FBXW7: variants seen among roughly 807,000 people sequenced by gnomAD.
FBXW7 encodes F-box/WD repeat-containing protein 7.
A neutral mutation model predicts 86.3 loss-of-function variants in FBXW7; 11 were observed. The observed-to-expected ratio is 0.13, with a 90% CI of 0.08 to 0.21. The LOEUF (loss-of-function observed/expected upper bound fraction) is 0.21. FBXW7 is among the 10% of genes least tolerant of loss of function. FBXW7 has a pLI of 1.00. For synonymous variants in FBXW7, 313 were observed against 297.9 expected (o/e 1.05, Z -0.52); for missense variants, 488 against 847.4 (o/e 0.58, Z 5.27).
intron 4 of FBXW7, among the ~76,000 whole-genome samples, chr4:152,393,004 T>C (rs184361980): frequency 1.1e-4 from 17 of 152,264 alleles, no homozygotes; most frequent in Non-Finnish European, 2.5e-4. Flanking sequence ...AAATCATGCT[T>C]TTGTCTATAT....
intron 2 of FBXW7, among the ~76,000 whole-genome samples, chr4:152,501,845 G>A (rs1746983334): frequency 1.3e-5 from 2 of 152,008 alleles, no homozygotes; most frequent in African/African-American, 4.8e-5. Context: ...AACTACTCTA[G>A]TAACATACAG....
chr4:152,366,799 T>C (rs1351064948), intron 4 of FBXW7, among the ~76,000 whole-genome samples: 8 of 152,182 alleles, frequency 5.3e-5, no homozygotes, highest in Non-Finnish European at 1.0e-4. Context: ...GGATTATAAA[T>C]CATGCTACAA....
chr4:152,330,240 T>C (rs76536236), intron 9 of FBXW7, among the ~76,000 whole-genome samples: 2 of 151,944 alleles, frequency 1.3e-5, no homozygotes, highest in African/African-American at 4.8e-5. Context: ...AATTGGTTTT[T>C]TCCAGTTGTA....
chr4:152,404,279 T>C (rs1351974214), intron 4 of FBXW7, among the ~76,000 whole-genome samples: 2 of 152,136 alleles, frequency 1.3e-5, no homozygotes, highest in African/African-American at 4.8e-5. Flanking sequence ...CCACATAGAA[T>C]AATAATTGGT....
intron 2 of FBXW7, among the ~76,000 whole-genome samples, chr4:152,527,867 C>T (rs10676929): frequency 0.13 from 9,450 of 75,512 alleles, 396 homozygotes; most frequent in African/African-American, 0.35. Context: ...AAATTATATA[C>T]ACACACACAC....
At chr4:152,407,708 T>A (rs1036055742) in intron 4 of FBXW7, among the ~76,000 whole-genome samples, 1 of 152,136 alleles carries the variant, frequency 6.6e-6, no homozygotes, top group Non-Finnish European at 1.5e-5. Flanking sequence ...ATACACTAGA[T>A]GCTTCTCCAC....
At chr4:152,478,418 T>G (rs1019601012) in intron 2 of FBXW7, among the ~76,000 whole-genome samples, 10 of 152,150 alleles carry the variant, frequency 6.6e-5, no homozygotes, top group Non-Finnish European at 1.3e-4. Flanking sequence ...TATTTATGGC[T>G]GAATAATATT....
At chr4:152,410,136 A>T (rs1215118868) in intron 4 of FBXW7, among the ~76,000 whole-genome samples, 2 of 152,174 alleles carry the variant, frequency 1.3e-5, no homozygotes, top group Admixed American at 6.6e-5. Context: ...TTGTTCCGCA[A>T]GGCTTAGTTT....
At chr4:152,464,287 A>G (rs185335195) in intron 2 of FBXW7, among the ~76,000 whole-genome samples, 111 of 152,308 alleles carry the variant, frequency 7.3e-4, no homozygotes, top group Admixed American at 1.2e-3. Flanking sequence ...TAAGTCTGAT[A>G]AGGCAGAGAA....
rs2126492633 is a variant in FBXW7, at chr4:152,326,043, G to A, written c.1607C>T (p.Thr536Met). 6.2e-7 allele frequency: 1 copy of A among 1,613,212 alleles called. No homozygotes were observed. The highest frequency in any genetic ancestry group is 8.5e-7 in the Non-Finnish European group (1 of 1,179,454). Residue 536 changes from threonine to methionine, a missense_variant, in exon 12 of 14, where the codon ACG becomes ATG. Thr to Met is a moderately conservative substitution (Grantham distance 81). Around this residue, in one of 4 missense-constraint regions of FBXW7, gnomAD observed 142 missense variants for 406.6 expected, o/e 0.35. Transcript: ENST00000281708. ...GACTCTATTAGTATGCCCCTGCAAC[G>A]TGTGTAGACAGGTTTCAGTCTCTGG... ...WDPETETCLH[T>M]LQGHTNRVYS...
At chr4:152,381,373 C>T (rs1298654832) in intron 4 of FBXW7, among the ~76,000 whole-genome samples, 1 of 152,046 alleles carries the variant, frequency 6.6e-6, no homozygotes, top group Non-Finnish European at 1.5e-5. Context: ...AGAACCCTAA[C>T]AGTGTTGATA....
intron 6 of FBXW7, among the ~76,000 whole-genome samples, chr4:152,342,594 T>G (rs1486132328): frequency 6.6e-6 from 1 of 152,222 alleles, no homozygotes; most frequent in African/African-American, 2.4e-5. Context: ...CCTTGGGTAG[T>G]ACTGCACCTG....
chr4:152,467,259 A>C (rs941947372), intron 2 of FBXW7, among the ~76,000 whole-genome samples: 3 of 152,016 alleles, frequency 2.0e-5, no homozygotes, highest in African/African-American at 7.3e-5. Flanking sequence ...TTCCCACAAG[A>C]TCTGATGGTT....
chr4:152,366,594 C>G (rs1301821189), intron 4 of FBXW7, among the ~76,000 whole-genome samples: 1 of 152,108 alleles, frequency 6.6e-6, no homozygotes, highest in African/African-American at 2.4e-5. Context: ...CCATCTCACA[C>G]CAGTTAGAAT....
chr4:152,441,632 G>A (rs1026183838), intron 2 of FBXW7, among the ~76,000 whole-genome samples: 1 of 152,086 alleles, frequency 6.6e-6, no homozygotes, highest in Non-Finnish European at 1.5e-5. Context: ...CACAAAATAC[G>A]CAAAGAGCCA....
intron 6 of FBXW7, among the ~76,000 whole-genome samples, chr4:152,339,922 CAAAAAAAAAA>C (rs1227838925): frequency 2.1e-4 from 14 of 66,338 alleles, no homozygotes; most frequent in African/African-American, 7.2e-4. Flanking sequence ...GGCTTTGTCT[CAAAAAAAAAA>C]AAAAAAAAAA....
chr4:152,510,524 G>A (rs1202909525), intron 2 of FBXW7, among the ~76,000 whole-genome samples: 1 of 152,110 alleles, frequency 6.6e-6, no homozygotes, highest in Non-Finnish European at 1.5e-5. Context: ...AAAAAAGGGA[G>A]GAGAGAAAGA....
chr4:152,411,979 T>G, intron 3 of FBXW7, 107 bp from the exon 4 acceptor site: 1 of 1,032,758 alleles, frequency 9.7e-7, no homozygotes, highest in Non-Finnish European at 1.3e-6. Flanking sequence ...TGCAAAAAAG[T>G]ATTGATGCCA....
chr4:152,333,707 A>C (rs1349161916), intron 7 of FBXW7, among the ~76,000 whole-genome samples: 1 of 152,148 alleles, frequency 6.6e-6, no homozygotes, highest in African/African-American at 2.4e-5. Context: ...TTGATGCTAA[A>C]TGTAAAGTAT....
Sources: allele counts gnomAD v4.1 joint callset (sites outside exome capture counted in the v4.1 genomes callset), GRCh38; gene constraint gnomAD v4.1.1; regional missense constraint gnomAD v4.1.1; transcripts MANE v1.5; gene names NCBI Gene and HGNC (gene_info 2026-07-23, HGNC 2026-07-21).